DRC8: variants seen among roughly 807,000 people sequenced by gnomAD.
DRC8 encodes dynein regulatory complex protein 8.
At chr1:245,015,722 A>G in the DRC8 span, 31 of 287,256 alleles carry the variant, frequency 1.1e-4, no homozygotes, top group African/African-American at 3.3e-4. Context: ...AAAAAAAAAA[A>G]AAAGAAAGAA....
the DRC8 span, among the ~76,000 whole-genome samples, chr1:244,999,073 A>T: frequency 6.6e-6 from 1 of 151,148 alleles, no homozygotes; most frequent in African/African-American, 2.4e-5. Flanking sequence ...AAAAAAAAAA[A>T]AAAAAAAAAG....
the DRC8 span, among the ~76,000 whole-genome samples, chr1:244,980,175 C>T: frequency 6.8e-6 from 1 of 147,220 alleles, no homozygotes; most frequent in African/African-American, 2.5e-5. Context: ...GCCGAGATCA[C>T]GCCACTGCAC....
At chr1:244,981,236 A>T in the DRC8 span, among the ~76,000 whole-genome samples, 1 of 152,002 alleles carries the variant, frequency 6.6e-6, no homozygotes, top group African/African-American at 2.4e-5. Context: ...AGGAGAAGTG[A>T]CTAGGATCAG....
the DRC8 span, among the ~76,000 whole-genome samples, chr1:245,057,775 G>A: frequency 4.0e-4 from 61 of 152,066 alleles, no homozygotes; most frequent in African/African-American, 1.5e-3. Context: ...CACCTCAAAC[G>A]TTTATCTTTG....
the DRC8 span, among the ~76,000 whole-genome samples, chr1:245,066,254 TC>T: frequency 2.6e-5 from 4 of 152,198 alleles, no homozygotes; most frequent in Non-Finnish European, 5.9e-5. Flanking sequence ...ACAGTTTGCC[TC>T]CTTAACACAG....
the DRC8 span, among the ~76,000 whole-genome samples, chr1:245,072,017 A>T: frequency 6.6e-6 from 1 of 152,208 alleles, no homozygotes; most frequent in Admixed American, 6.5e-5. Context: ...ACAGTGCAGC[A>T]CTCTCTTAGA....
At chr1:245,056,041 C>T in the DRC8 span, among the ~76,000 whole-genome samples, 4 of 152,148 alleles carry the variant, frequency 2.6e-5, no homozygotes, top group Non-Finnish European at 5.9e-5. Context: ...GTAGCTGAGA[C>T]TAAGTTACTT....
At chr1:245,076,273 C>CA in the DRC8 span, among the ~76,000 whole-genome samples, 1 of 152,224 alleles carries the variant, frequency 6.6e-6, no homozygotes, top group African/African-American at 2.4e-5. Flanking sequence ...GATTGACTCT[C>CA]AGAGTTCACA....
chr1:245,070,758 G>A, the DRC8 span, among the ~76,000 whole-genome samples: 1 of 152,196 alleles, frequency 6.6e-6, no homozygotes, highest in Non-Finnish European at 1.5e-5. Context: ...TGGTCAGAAT[G>A]TATGTGCCCC....
chr1:245,095,034 C>T, the DRC8 span, among the ~76,000 whole-genome samples: 1 of 152,174 alleles, frequency 6.6e-6, no homozygotes, highest in Admixed American at 6.5e-5. Context: ...ACAGAGCCTA[C>T]TGGAGACTGG....
the DRC8 span, among the ~76,000 whole-genome samples, chr1:245,022,002 C>G: frequency 6.6e-6 from 1 of 152,072 alleles, no homozygotes; most frequent in Non-Finnish European, 1.5e-5. Context: ...TGTTCCATAT[C>G]GATCTCTTAA....
the DRC8 span, among the ~76,000 whole-genome samples, chr1:244,981,988 G>A: frequency 1.3e-5 from 2 of 152,188 alleles, no homozygotes; most frequent in Non-Finnish European, 2.9e-5. Context: ...TTCATCGTAA[G>A]TTGATAGAAT....
the DRC8 span, among the ~76,000 whole-genome samples, chr1:245,056,675 C>T: frequency 1.4e-4 from 22 of 152,264 alleles, no homozygotes; most frequent in African/African-American, 4.8e-4. Context: ...TGGTGGCTCA[C>T]GCCTGTAATC....
At chr1:245,090,677 TGTTTAC>T in the DRC8 span, among the ~76,000 whole-genome samples, 1,612 of 152,072 alleles carry the variant, frequency 0.011, 23 homozygotes, top group African/African-American at 0.037. Context: ...AGCTTATTTC[TGTTTAC>T]GTTTTTTTTT....
At chr1:245,101,662 A>G in the DRC8 span, among the ~76,000 whole-genome samples, 1 of 152,180 alleles carries the variant, frequency 6.6e-6, no homozygotes, top group Admixed American at 6.5e-5. Context: ...ACAGCAACCA[A>G]GTAGTTTTTA....
At chr1:245,041,606 G>A in the DRC8 span, among the ~76,000 whole-genome samples, 1 of 152,064 alleles carries the variant, frequency 6.6e-6, no homozygotes, top group Non-Finnish European at 1.5e-5. Flanking sequence ...CTCCAAATTC[G>A]TGTTTTAAAG....
chr1:245,056,226 A>T, the DRC8 span, among the ~76,000 whole-genome samples: 4 of 152,210 alleles, frequency 2.6e-5, no homozygotes, highest in African/African-American at 9.7e-5. Context: ...CCCAAGGTAG[A>T]CATTTTATAC....
the DRC8 span, chr1:245,122,406 T>G: frequency 6.5e-6 from 1 of 154,312 alleles, no homozygotes; most frequent in Non-Finnish European, 1.4e-5. Context: ...TTAGCCCATT[T>G]ACAAACAACA....
chr1:245,015,462 G>A, the DRC8 span, among the ~76,000 whole-genome samples: 3 of 152,160 alleles, frequency 2.0e-5, no homozygotes, highest in Non-Finnish European at 4.4e-5. Context: ...TGTAATCCCA[G>A]CACTTTGGGA....
Sources: allele counts gnomAD v4.1 joint callset (sites outside exome capture counted in the v4.1 genomes callset), GRCh38; gene constraint gnomAD v4.1.1; transcripts MANE v1.5; gene names NCBI Gene and HGNC (gene_info 2026-07-23, HGNC 2026-07-21).